Variants in AGMO observed in about 807,000 individuals in gnomAD.
AGMO encodes the protein glyceryl-ether monooxygenase.
A neutral mutation model predicts 60.2 loss-of-function variants in AGMO; 75 were observed. The ratio of observed to expected loss-of-function variants is 1.25; its 90% CI spans 1.03 to 1.51. The LOEUF is 1.51. Among genes scored for constraint, AGMO ranks in the 40% most tolerant of loss-of-function variants. The pLI is 0.00. For synonymous variants in AGMO, 261 were observed against 177.1 expected (o/e 1.47, Z -3.76); for missense variants, 763 against 525.5 (o/e 1.45, Z -4.42).
chr7:15,455,438 C>T (rs951247303), intron 3 of AGMO, among the ~76,000 whole-genome samples: 4 of 152,018 alleles, frequency 2.6e-5, no homozygotes, highest in African/African-American at 9.7e-5. Flanking sequence ...ACTGATGACT[C>T]TCAGGTTGGC....
chr7:15,395,694 A>T (rs1784345652), intron 5 of AGMO, among the ~76,000 whole-genome samples: 1 of 152,192 alleles, frequency 6.6e-6, no homozygotes. Flanking sequence ...TGTTATTCTA[A>T]TTTTATGAAT....
In AGMO at chr7:15,514,182, C is replaced by T. The variant is rs542926829; in HGVS notation, c.409+30590G>A. 9.9e-5 allele frequency among the ~76,000 whole-genome samples: 15 copies of T among 152,238 alleles called. No homozygotes were observed. In the East Asian group the frequency reaches 2.3e-3, roughly 24 times the overall value. On this transcript the variant is annotated intron_variant, in intron 3 of 12. Coordinates refer to ENST00000342526, the MANE Select transcript of AGMO (RefSeq NM_001004320.2). ...CAATTTTAGCATATCTAAAATTGAA[C>T]TCATCAACTCCTGGCTTATAAAATC...
chr7:15,236,899 C>T (rs1319334206), intron 12 of AGMO, among the ~76,000 whole-genome samples: 3 of 151,624 alleles, frequency 2.0e-5, no homozygotes, highest in Non-Finnish European at 4.4e-5. Flanking sequence ...AACTAAGAAA[C>T]GGCCATCTAA....
chr7:15,337,542 G>A (rs976228914), intron 12 of AGMO, among the ~76,000 whole-genome samples: 6 of 152,042 alleles, frequency 3.9e-5, no homozygotes, highest in Non-Finnish European at 7.4e-5. Flanking sequence ...TGGAGAAAAG[G>A]GCAGGTGGGA....
intron 12 of AGMO, among the ~76,000 whole-genome samples, chr7:15,344,218 A>G (rs1013081273): frequency 1.3e-5 from 2 of 152,182 alleles, no homozygotes; most frequent in Admixed American, 6.5e-5. Context: ...TGTTGAATGA[A>G]TAAGTTGCAT....
At chr7:15,220,547 T>C (rs1235727754) in intron 12 of AGMO, among the ~76,000 whole-genome samples, 1 of 151,964 alleles carries the variant, frequency 6.6e-6, no homozygotes, top group Non-Finnish European at 1.5e-5. Flanking sequence ...TGGAAAAATA[T>C]CAAATATGAA....
chr7:15,494,548 G>C (rs1235238131), intron 3 of AGMO, among the ~76,000 whole-genome samples: 3 of 152,182 alleles, frequency 2.0e-5, no homozygotes, highest in African/African-American at 4.8e-5. Context: ...CAGTAAAGCT[G>C]CTCCCAGCCT....
chr7:15,413,729 T>C (rs1780678441), intron 5 of AGMO, among the ~76,000 whole-genome samples: 1 of 152,060 alleles, frequency 6.6e-6, no homozygotes, highest in Admixed American at 6.6e-5. Flanking sequence ...CAGAAAAGTA[T>C]CTTTCAAAAA....
chr7:15,514,515 A>G (rs1224480798), intron 3 of AGMO, among the ~76,000 whole-genome samples: 5 of 152,172 alleles, frequency 3.3e-5, no homozygotes. Context: ...AGAGAAATTA[A>G]GGAATTTGTA....
chr7:15,305,974 A>G (rs1047879879), intron 12 of AGMO, among the ~76,000 whole-genome samples: 1 of 151,970 alleles, frequency 6.6e-6, no homozygotes, highest in South Asian at 2.1e-4. Flanking sequence ...CAAGTATCTT[A>G]TTTTTTTCTG....
chr7:15,392,102 C>T (rs906050630), intron 6 of AGMO, among the ~76,000 whole-genome samples: 7 of 151,808 alleles, frequency 4.6e-5, no homozygotes, highest in African/African-American at 1.5e-4. Context: ...TGGAGTCTCA[C>T]TCTGTTGTCC....
intron 12 of AGMO, among the ~76,000 whole-genome samples, chr7:15,306,863 A>T (rs1027984452): frequency 4.6e-5 from 7 of 152,018 alleles, no homozygotes; most frequent in Non-Finnish European, 1.0e-4. Context: ...TTATTACAAT[A>T]AGTTATAATC....
intron 12 of AGMO, among the ~76,000 whole-genome samples, chr7:15,292,904 C>T (rs952055357): frequency 2.0e-5 from 3 of 151,420 alleles, no homozygotes; most frequent in African/African-American, 7.3e-5. Context: ...ATTACAAGCA[C>T]CCGCCACCAA....
At chr7:15,536,584 T>G (rs1437742661) in intron 3 of AGMO, among the ~76,000 whole-genome samples, 1 of 151,876 alleles carries the variant, frequency 6.6e-6, no homozygotes, top group African/African-American at 2.4e-5. Context: ...CACAATAGAA[T>G]AAACAATCAG....
intron 12 of AGMO, among the ~76,000 whole-genome samples, chr7:15,320,125 G>A (rs564202211): frequency 1.4e-4 from 15 of 108,852 alleles, no homozygotes; most frequent in South Asian, 2.9e-4. Flanking sequence ...GGGTGGGGGA[G>A]GGGGAAGGGA....
At chr7:15,207,941 T>C (rs1781483973) in intron 12 of AGMO, among the ~76,000 whole-genome samples, 2 of 151,802 alleles carry the variant, frequency 1.3e-5, no homozygotes, top group Admixed American at 1.3e-4. Context: ...CTCAAAAAAA[T>C]AAAGTAAAAT....
intron 12 of AGMO, among the ~76,000 whole-genome samples, chr7:15,284,566 G>A (rs575778339): frequency 6.6e-6 from 1 of 151,906 alleles, no homozygotes; most frequent in African/African-American, 2.4e-5. Flanking sequence ...CAGCAAGACT[G>A]AATCAGTAAT....
At chr7:15,144,858 C>T in the AGMO span, among the ~76,000 whole-genome samples, 2 of 152,224 alleles carry the variant, frequency 1.3e-5, no homozygotes, top group Non-Finnish European at 2.9e-5. Context: ...GAGACGGAGT[C>T]TCGCTCTGCC....
chr7:15,362,195 G>A (rs1187002423), intron 12 of AGMO, among the ~76,000 whole-genome samples: 1 of 152,078 alleles, frequency 6.6e-6, no homozygotes, highest in Non-Finnish European at 1.5e-5. Context: ...TTTACATAAA[G>A]TTTTAAGAGA....
Sources: allele counts gnomAD v4.1 joint callset (sites outside exome capture counted in the v4.1 genomes callset), GRCh38; gene constraint gnomAD v4.1.1; transcripts MANE v1.5; gene names NCBI Gene and HGNC (gene_info 2026-07-23, HGNC 2026-07-21).